The following PHTF2 variants were observed in gnomAD, a reference collection of about 807,000 sequenced individuals.
The protein encoded by PHTF2 is protein PHTF2.
Under a neutral mutation model 101.2 loss-of-function variants are expected in PHTF2, and 60 were observed. The ratio of observed to expected loss-of-function variants is 0.59; its 90% confidence interval spans 0.48 to 0.73. The LOEUF is 0.73. Ranked by LOEUF, PHTF2 falls within the 30% of genes least tolerant of loss-of-function variation. The pLI is 0.00. For missense variants in PHTF2, 747 were observed against 908.7 expected (o/e 0.82, Z 2.29); for synonymous variants, 311 against 307.3 (o/e 1.01, Z -0.13).
chr7:77,940,037 GCCATATACCA>G lies in PHTF2; in HGVS notation c.1476_1485del (p.Ser492ArgfsTer3). The G allele has an allele frequency of 2.5e-6, 4 of 1,611,622 alleles. No homozygotes were observed. Among genetic ancestry groups the G allele is most frequent in the Non-Finnish European group, 3.4e-6 (4 of 1,178,300 alleles). On this transcript the variant is annotated frameshift_variant, in exon 14 of 20. Transcript: ENST00000416283. LOFTEE classifies it high-confidence loss of function. ...TCCCCTGGCTCCCTCAAGGTGAACA[GCCATATACCA>G]GGAATAGGATACCAGATTTTTGGAA... is the stretch of plus-strand genomic sequence containing the variant.
At chr7:77,928,111 A>T (rs2150938737) in intron 11 of PHTF2, among the ~76,000 whole-genome samples, 1 of 152,276 alleles carries the variant, frequency 6.6e-6, no homozygotes, top group African/African-American at 2.4e-5. Flanking sequence ...GAAGTCGGTG[A>T]TAGCAAAGGA....
chr7:77,858,645 T>C (rs1797368412), intron 3 of PHTF2, among the ~76,000 whole-genome samples: 2 of 151,288 alleles, frequency 1.3e-5, no homozygotes, highest in Admixed American at 1.3e-4. Context: ...TGGAGAAGTA[T>C]ACACTTTTTT....
At chr7:77,879,439 G>A (rs1799224394) in intron 3 of PHTF2, among the ~76,000 whole-genome samples, 1 of 152,006 alleles carries the variant, frequency 6.6e-6, no homozygotes, top group African/African-American at 2.4e-5. Context: ...TCCAGAAGTT[G>A]GAATTCTCCC....
chr7:77,930,187 C>T (rs899337255), intron 12 of PHTF2, among the ~76,000 whole-genome samples: 3 of 152,074 alleles, frequency 2.0e-5, no homozygotes, highest in Non-Finnish European at 4.4e-5. Flanking sequence ...CTCCTGACCT[C>T]AAGTGATTCT....
chr7:77,917,388 T>G (rs1018728413), intron 9 of PHTF2, among the ~76,000 whole-genome samples: 1 of 152,112 alleles, frequency 6.6e-6, no homozygotes, highest in African/African-American at 2.4e-5. Context: ...GCGATTGGGG[T>G]GTTGTTAACC....
At chr7:77,805,195 C>T (rs116677143) in intron 1 of PHTF2, among the ~76,000 whole-genome samples, 2,162 of 152,236 alleles carry the variant, frequency 0.014, 30 homozygotes, top group Non-Finnish European at 0.019. Context: ...TTGTTAAATT[C>T]ATTGGCATAA....
chr7:77,902,853 C>G (rs1791995908), intron 7 of PHTF2, among the ~76,000 whole-genome samples: 1 of 152,018 alleles, frequency 6.6e-6, no homozygotes, highest in South Asian at 2.1e-4. Flanking sequence ...GTTGTTTCTT[C>G]TAAGCCAGGT....
At chr7:77,945,816 T>A (rs1806006529) in intron 16 of PHTF2, among the ~76,000 whole-genome samples, 1 of 152,174 alleles carries the variant, frequency 6.6e-6, no homozygotes, top group Non-Finnish European at 1.5e-5. Context: ...TGTAAGTAGT[T>A]TAAAATTTTA....
chr7:77,894,158 T>C (rs1584624975), intron 5 of PHTF2, among the ~76,000 whole-genome samples, 165 bp downstream of exon 4: 2 of 152,336 alleles, frequency 1.3e-5, no homozygotes, highest in South Asian at 4.1e-4. Context: ...AAGCACTAAT[T>C]AAAATGTTTT....
intron 3 of PHTF2, among the ~76,000 whole-genome samples, chr7:77,874,811 T>C (rs960737457): frequency 3.3e-5 from 5 of 152,222 alleles, no homozygotes; most frequent in Non-Finnish European, 7.3e-5. Context: ...TGGTAAAATA[T>C]AGGGGTCTAG....
chr7:77,818,538 C>T (rs979333937), intron 1 of PHTF2, among the ~76,000 whole-genome samples: 1 of 152,126 alleles, frequency 6.6e-6, no homozygotes, highest in African/African-American at 2.4e-5. Flanking sequence ...GTTCCTGACA[C>T]CTTTGTCAAA....
At chr7:77,860,353 T>G (rs1797536438) in intron 3 of PHTF2, among the ~76,000 whole-genome samples, 1 of 152,212 alleles carries the variant, frequency 6.6e-6, no homozygotes, top group Non-Finnish European at 1.5e-5. Flanking sequence ...GCCATTCCTG[T>G]CTTTGAGGCT....
chr7:77,930,150 C>G (rs934344375), intron 12 of PHTF2, among the ~76,000 whole-genome samples: 1 of 151,856 alleles, frequency 6.6e-6, no homozygotes. Flanking sequence ...GACAGGCTTT[C>G]ACCATGTTGG....
intron 7 of PHTF2, among the ~76,000 whole-genome samples, chr7:77,905,904 C>T (rs1801811757): frequency 6.6e-6 from 1 of 152,234 alleles, no homozygotes; most frequent in Non-Finnish European, 1.5e-5. Context: ...TCTAGCAGCA[C>T]TGTCTAGTTC....
chr7:77,871,314 G>A (rs939234634), intron 3 of PHTF2, among the ~76,000 whole-genome samples: 2 of 152,162 alleles, frequency 1.3e-5, no homozygotes, highest in Non-Finnish European at 2.9e-5. Flanking sequence ...TTGTGGAGTA[G>A]TAGACTGATT....
intron 1 of PHTF2, among the ~76,000 whole-genome samples, chr7:77,824,991 T>C (rs1794598038): frequency 6.6e-6 from 1 of 152,068 alleles, no homozygotes; most frequent in Non-Finnish European, 1.5e-5. Flanking sequence ...TGAGCCATGA[T>C]TGTGCCACTG....
intron 1 of PHTF2, among the ~76,000 whole-genome samples, chr7:77,834,337 T>G (rs947928531): frequency 6.7e-6 from 1 of 149,034 alleles, no homozygotes; most frequent in Non-Finnish European, 1.5e-5. Flanking sequence ...AAAAAAAAAT[T>G]TTAAACGGAA....
chr7:77,919,593 C>G (rs1279954951), intron 9 of PHTF2, among the ~76,000 whole-genome samples: 1 of 151,938 alleles, frequency 6.6e-6, no homozygotes, highest in East Asian at 1.9e-4. Context: ...CATCTTATTT[C>G]CCATGTTGTA....
chr7:77,847,849 TC>T (rs1259108985), intron 2 of PHTF2, among the ~76,000 whole-genome samples: 1 of 152,190 alleles, frequency 6.6e-6, no homozygotes, highest in African/African-American at 2.4e-5. Context: ...CATCTCTGTT[TC>T]CCATCCCTAC....
Sources: allele counts gnomAD v4.1 joint callset (sites outside exome capture counted in the v4.1 genomes callset), GRCh38; gene constraint gnomAD v4.1.1; transcripts MANE v1.5; gene names NCBI Gene and HGNC (gene_info 2026-07-23, HGNC 2026-07-21).